MYO18B: variants seen among roughly 807,000 people sequenced by gnomAD.
MYO18B encodes unconventional myosin-XVIIIb.
MYO18B carries 204 observed loss-of-function variants against 273.0 expected under a neutral mutation model. That is an observed-to-expected ratio of 0.75 (90% CI 0.67 to 0.84). The LOEUF (loss-of-function observed/expected upper bound fraction) is 0.84. MYO18B is among the 40% of genes least tolerant of loss of function. MYO18B has a pLI of 0.00. For missense variants in MYO18B, 3,212 were observed against 3,287.6 expected, an observed-to-expected ratio of 0.98 and a Z score of 0.56; for synonymous variants, 1,330 against 1,305.7, an observed-to-expected ratio of 1.02 and a Z score of -0.40.
Position 25,948,523 on chromosome 22 carries a change from T to TTCCTTCCTTCCTTC in MYO18B, c.5748+695_5748+696insTCCTTCCTTCCTTC, listed in dbSNP as rs1569225706. ...TTCCTCTCTTTTCTCTTTCCTTCTT[T>TTCCTTCCTTCCTTC]CTTTCTTCCTTCCTTCCTTCCTTCC... is the stretch of plus-strand genomic sequence containing the variant. On this transcript the variant is annotated intron_variant, in intron 36 of 43. Coordinates refer to ENST00000335473, the MANE Select transcript of MYO18B (RefSeq NM_032608.7). Among the ~76,000 whole-genome samples, 74 of 8,864 alleles carry TTCCTTCCTTCCTTC rather than the reference T, an allele frequency of 8.3e-3. 5 individuals are homozygous for TTCCTTCCTTCCTTC. The highest frequency in any genetic ancestry group is 0.013 in the African/African-American group (41 of 3,280). 5.8% of individuals were successfully genotyped at this position (8,864 alleles called of 152,430 possible).
At chr22:25,964,966 G>A (rs894747397) in intron 39 of MYO18B, 2 of 152,218 alleles carry the variant, frequency 1.3e-5, no homozygotes, top group African/African-American at 4.8e-5. Flanking sequence ...CAACCTTCCT[G>A]AGACCCAGAG....
At chr22:25,868,503 G>A (rs2090955471) in intron 22 of MYO18B, 118 bp downstream of exon 22, 2 of 822,576 alleles carry the variant, frequency 2.4e-6, no homozygotes, top group South Asian at 1.7e-5. Flanking sequence ...TTCCCAAACT[G>A]AAGGTAGAGC....
intron 33 of MYO18B, among the ~76,000 whole-genome samples, chr22:25,917,329 C>G (rs1001714745): frequency 1.1e-4 from 17 of 152,042 alleles, no homozygotes; most frequent in Non-Finnish European, 2.2e-4. Flanking sequence ...AGTTTGTTAA[C>G]AGTTCTGTCA....
intron 40 of MYO18B, among the ~76,000 whole-genome samples, chr22:25,996,924 C>T (rs1933315157): frequency 6.6e-6 from 1 of 152,268 alleles, no homozygotes; most frequent in Non-Finnish European, 1.5e-5. Flanking sequence ...TTCTTCTCCT[C>T]TGAAGATGAC....
chr22:26,059,292 G>C, the MYO18B span, among the ~76,000 whole-genome samples: 1 of 152,190 alleles, frequency 6.6e-6, no homozygotes, highest in African/African-American at 2.4e-5. Flanking sequence ...GGAAGCATTA[G>C]CAAATGGAGT....
chr22:25,837,850 G>A (rs1023584916), intron 17 of MYO18B, among the ~76,000 whole-genome samples: 29 of 152,132 alleles, frequency 1.9e-4, no homozygotes, highest in African/African-American at 6.3e-4. Flanking sequence ...GTGTTCTGGG[G>A]GCCCATGAAA....
intron 29 of MYO18B, chr22:25,899,025 A>T (rs1442848963): frequency 6.5e-6 from 1 of 152,912 alleles, no homozygotes; most frequent in Non-Finnish European, 1.5e-5. Context: ...GGAGGAGGCC[A>T]AAATATGGCC....
chr22:26,021,014 T>C (rs986844995), intron 42 of MYO18B, among the ~76,000 whole-genome samples: 1 of 152,140 alleles, frequency 6.6e-6, no homozygotes, highest in Non-Finnish European at 1.5e-5. Context: ...ACTCGAACCC[T>C]GGAGGCAGAG....
At chr22:26,014,352 T>C (rs1463461851) in intron 42 of MYO18B, among the ~76,000 whole-genome samples, 1 of 152,224 alleles carries the variant, frequency 6.6e-6, no homozygotes, top group African/African-American at 2.4e-5. Context: ...CTATTTCACT[T>C]TTCTATGTGT....
the MYO18B span, among the ~76,000 whole-genome samples, chr22:26,042,476 G>A: frequency 7.0e-3 from 1,064 of 152,336 alleles, 16 homozygotes; most frequent in African/African-American, 0.024. Context: ...GTCCAGCTGA[G>A]TGGGGAATAT....
chr22:26,004,776 T>C lies in MYO18B; in HGVS notation c.6391T>C (p.Cys2131Arg), dbSNP rs1185201319. The C allele has an allele frequency of 6.2e-7, 1 of 1,613,874 alleles. No homozygotes were observed. The highest frequency in any genetic ancestry group is 8.5e-7 in the Non-Finnish European group (1 of 1,179,838). ...GGGCAGCCTGCAGTCCTGGTTGAGC[T>C]GTACTCTGTCCCTGGCCACAGATAC... ...PEGSLQSWLS[C>R]TLSLATDTMR... The change falls in exon 42 of 44, where the codon TGT (cysteine) becomes CGT (arginine). Residue 2131 changes from cysteine (C) to arginine (R), a missense_variant. Transcript: ENST00000335473.
intron 31 of MYO18B, among the ~76,000 whole-genome samples, chr22:25,906,525 G>A (rs996725660): frequency 1.3e-5 from 2 of 152,238 alleles, no homozygotes; most frequent in Non-Finnish European, 1.5e-5. Flanking sequence ...TCCATGTTGG[G>A]GACAGCACTT....
At chr22:25,752,979 A>C (rs1419228856) in intron 1 of MYO18B, among the ~76,000 whole-genome samples, 1 of 152,172 alleles carries the variant, frequency 6.6e-6, no homozygotes, top group Non-Finnish European at 1.5e-5. Context: ...TGGGTCCCCC[A>C]GCACTGCTGG....
intron 42 of MYO18B, among the ~76,000 whole-genome samples, chr22:26,005,703 T>G (rs923368132): frequency 3.9e-5 from 6 of 152,184 alleles, no homozygotes; most frequent in African/African-American, 1.4e-4. Context: ...CCCAATATGA[T>G]AAGACTGGAA....
intron 15 of MYO18B, among the ~76,000 whole-genome samples, chr22:25,832,176 C>T (rs1035807106): frequency 4.6e-5 from 7 of 152,062 alleles, no homozygotes; most frequent in African/African-American, 9.7e-5. Flanking sequence ...ATAGTGCAGC[C>T]GCTGTGGAAA....
At chr22:25,840,169 G>A (rs1034187657) in intron 17 of MYO18B, among the ~76,000 whole-genome samples, 8 of 152,086 alleles carry the variant, frequency 5.3e-5, no homozygotes, top group Non-Finnish European at 1.2e-4. Context: ...GGCGCTCCCC[G>A]AGGACAGTTG....
At chr22:25,823,020 T>G (rs2089342002) in intron 12 of MYO18B, among the ~76,000 whole-genome samples, 1 of 152,170 alleles carries the variant, frequency 6.6e-6, no homozygotes, top group East Asian at 1.9e-4. Flanking sequence ...TGTTTCCAAC[T>G]TTTTGCTTTC....
In MYO18B at chr22:25,768,369, T is replaced by C. The variant is rs759253505; in HGVS notation, c.453T>C (p.Gly151=). 11 of 1,606,422 alleles carry C rather than the reference T, an allele frequency of 6.8e-6. No homozygotes were observed. The change falls in exon 4 of 44, where the codon GGT becomes GGC. Residue 151 remains glycine (G), a synonymous_variant. Coordinates refer to ENST00000335473, the MANE Select transcript of MYO18B (RefSeq NM_032608.7). ...CCTTCAAGAGGGGCGTGAGGAGGGG[T>C]GATGTGTTGTTGATGGTGGCCAAGC... ...TVPFKRGVRR[G]DVLLMVAKLD...
At chr22:25,814,432 G>A (rs1021786520) in intron 12 of MYO18B, among the ~76,000 whole-genome samples, 2 of 147,220 alleles carry the variant, frequency 1.4e-5, no homozygotes, top group African/African-American at 5.0e-5. Flanking sequence ...TGATTCTCCT[G>A]TCTCAGCCTC....
Sources: gnomAD v4.1 joint callset for allele counts (sites outside exome capture counted in the v4.1 genomes callset) on GRCh38, gnomAD v4.1.1 for gene constraint, MANE v1.5 for transcripts, NCBI Gene and HGNC (gene_info 2026-07-23, HGNC 2026-07-21) for gene names.